LEPR: variants seen among roughly 807,000 people sequenced by gnomAD.
LEPR encodes OB receptor.
LEPR carries 56 observed loss-of-function variants against 114.7 expected under a neutral mutation model. The observed-to-expected ratio is 0.49, with a 90% CI of 0.39 to 0.61. The LOEUF (loss-of-function observed/expected upper bound fraction) is 0.61, where lower values mean the gene tolerates loss of function less well. Among genes scored for constraint, LEPR ranks in the 20% least tolerant of loss-of-function variants. LEPR has a pLI of 0.00. For missense variants in LEPR, 1,202 were observed against 1,352.9 expected, an observed-to-expected ratio of 0.89 and a Z score of 1.75; for synonymous variants, 443 against 461.4, an observed-to-expected ratio of 0.96 and a Z score of 0.51.
intron 1 of LEPR, chr1:65,421,523 T>A: frequency 6.5e-7 from 1 of 1,527,656 alleles, no homozygotes; most frequent in South Asian, 1.2e-5. Flanking sequence ...TATATTGGCT[T>A]TTATATCATC....
chr1:65,574,907 G>T (rs1654469767), intron 5 of LEPR, among the ~76,000 whole-genome samples: 1 of 152,126 alleles, frequency 6.6e-6, no homozygotes, highest in African/African-American at 2.4e-5. Flanking sequence ...CTCATTCGGG[G>T]GAGCGGAAGG....
At chr1:65,454,774 T>C (rs1408842818) in intron 2 of LEPR, among the ~76,000 whole-genome samples, 5 of 152,156 alleles carry the variant, frequency 3.3e-5, no homozygotes, top group Admixed American at 3.3e-4. Context: ...GAGTTGCTCT[T>C]CTCGAGGAGT....
At chr1:65,484,306 TAAC>T (rs1332665697) in intron 2 of LEPR, among the ~76,000 whole-genome samples, 1 of 152,178 alleles carries the variant, frequency 6.6e-6, no homozygotes, top group Non-Finnish European at 1.5e-5. Context: ...TTAATAGAAT[TAAC>T]AAAATATTTT....
intron 19 of LEPR, among the ~76,000 whole-genome samples, chr1:65,623,821 A>G (rs1463985004): frequency 1.3e-5 from 2 of 152,134 alleles, no homozygotes; most frequent in Non-Finnish European, 2.9e-5. Flanking sequence ...TCTTTCTACA[A>G]TCTGTTATCA....
chr1:65,545,903 A>C (rs1367265963), intron 2 of LEPR, among the ~76,000 whole-genome samples: 3 of 151,860 alleles, frequency 2.0e-5, no homozygotes, highest in African/African-American at 4.8e-5. Flanking sequence ...CCTGAGTGGT[A>C]ATGCCTAGGT....
chr1:65,518,886 TTTC>T (rs1649444185), intron 2 of LEPR, among the ~76,000 whole-genome samples: 3 of 82,054 alleles, frequency 3.7e-5, no homozygotes, highest in African/African-American at 1.3e-4. Flanking sequence ...TCTTTCTTTC[TTTC>T]TTTCTTTCTT....
chr1:65,464,272 A>T (rs1570499966), intron 2 of LEPR, among the ~76,000 whole-genome samples: 1 of 152,158 alleles, frequency 6.6e-6, no homozygotes, highest in East Asian at 1.9e-4. Context: ...TTCTGCATCT[A>T]TTGAGATAAT....
In LEPR at chr1:65,636,393, T is replaced by C; in HGVS notation, c.2876T>C (p.Phe959Ser). The C allele has an allele frequency of 6.2e-7, 1 of 1,614,098 alleles. No homozygotes were observed. Among genetic ancestry groups the C allele is most frequent in the Non-Finnish European group, 8.5e-7 (1 of 1,179,998 alleles). ...EKGSVCISDQ[F>S]NSVNFSEAEG... ...GGTTCTGTTTGTATTAGTGACCAGT[T>C]CAACAGTGTTAACTTCTCTGAGGCT... is the stretch of plus-strand genomic sequence containing the variant. Residue 959 changes from phenylalanine (F) to serine (S), a missense_variant, in exon 20 of 20, where the codon TTC becomes TCC. Phe to Ser is a radical substitution (Grantham distance 155). Coordinates refer to ENST00000349533, the MANE Select transcript of LEPR (RefSeq NM_002303.6).
chr1:65,626,696 G>A (rs532676931), intron 19 of LEPR, among the ~76,000 whole-genome samples: 57 of 152,128 alleles, frequency 3.7e-4, no homozygotes, highest in African/African-American at 1.3e-3. Context: ...AGGCTGGAGC[G>A]CAGCGGTGAG....
At chr1:65,450,722 T>C (rs1646773170) in intron 2 of LEPR, among the ~76,000 whole-genome samples, 1 of 146,026 alleles carries the variant, frequency 6.8e-6, no homozygotes, top group African/African-American at 2.5e-5. Context: ...TTGTGAATAA[T>C]GCCGCAATAA....
In LEPR at chr1:65,473,101, T is replaced by C. The variant is rs114854219; in HGVS notation, c.-21+47723T>C. Among the ~76,000 whole-genome samples, 579 of 152,298 alleles carry C rather than the reference T, an allele frequency of 3.8e-3. 3 individuals are homozygous for C. The highest frequency in any genetic ancestry group is 0.013 in the African/African-American group (560 of 41,544). Reference sequence around the variant, plus strand: ...GTTCTTTAGCTTCCACAAAAAGCAGTGATAATACTCTTGACGGCTTGCCCT... The same window carrying C: ...GTTCTTTAGCTTCCACAAAAAGCAGCGATAATACTCTTGACGGCTTGCCCT... On this transcript the variant is annotated intron_variant, in intron 2 of 19. Transcript: ENST00000349533.
rs765479557 is a variant in LEPR at position 65,425,386 on chromosome 1, A to G, written c.-21+8A>G. ...TGCCTTAGAGGATTATGGGTAAGTT[A>G]TCATTTCAAAAAGAACTATTCCTCT... On this transcript the variant is annotated splice_region_variant and intron_variant, in intron 2 of 19. Transcript: ENST00000349533. 7 of 1,590,438 alleles carry G rather than the reference A, an allele frequency of 4.4e-6. No individual in the cohort carries two copies. In the South Asian group the frequency reaches 6.9e-5, roughly 16 times the overall value.
At chr1:65,443,864 G>C (rs530350165) in intron 2 of LEPR, among the ~76,000 whole-genome samples, 153 of 151,880 alleles carry the variant, frequency 1.0e-3, no homozygotes, top group Non-Finnish European at 1.8e-3. Flanking sequence ...GTGAGGTAAA[G>C]AACAGACACA....
chr1:65,515,912 T>C (rs1649262499), intron 2 of LEPR, among the ~76,000 whole-genome samples: 1 of 152,232 alleles, frequency 6.6e-6, no homozygotes, highest in African/African-American at 2.4e-5. Flanking sequence ...TTAGTTGATA[T>C]CAATTATCCT....
At chr1:65,591,223 A>C (rs199991733) in intron 5 of LEPR, among the ~76,000 whole-genome samples, 152 of 152,106 alleles carry the variant, frequency 1.0e-3, no homozygotes, top group African/African-American at 3.6e-3. Flanking sequence ...AAATTTATTG[A>C]GACTTGTTTT....
In LEPR at chr1:65,605,756, C is replaced by T. The variant is rs1046360842; in HGVS notation, c.1603+519C>T. Among the ~76,000 whole-genome samples, 77 of 152,040 alleles carry T rather than the reference C, an allele frequency of 5.1e-4. 1 individual carries two copies. The highest frequency in any genetic ancestry group is 2.7e-4 in the African/African-American group (11 of 41,404). On this transcript the variant is annotated intron_variant, in intron 11 of 19. Transcript: ENST00000349533. Reference sequence around the variant, plus strand: ...TATTTTAAACATTCTTTTCAAAAAACTTTTGATTTCAAAGATATTAAGAGA... The same window carrying T: ...TATTTTAAACATTCTTTTCAAAAAATTTTTGATTTCAAAGATATTAAGAGA...
chr1:65,576,896 G>T, intron 5 of LEPR: 1 of 345,486 alleles, frequency 2.9e-6, no homozygotes, highest in South Asian at 3.1e-5. Flanking sequence ...CTCCTCTCCA[G>T]ATATCCATGC....
intron 2 of LEPR, among the ~76,000 whole-genome samples, chr1:65,482,063 A>G (rs2100455269): frequency 6.6e-6 from 1 of 152,080 alleles, no homozygotes; most frequent in Non-Finnish European, 1.5e-5. Context: ...AACAGCAACA[A>G]AGCTCTAAAA....
At chr1:65,592,344 A>C (rs1225674650) in intron 5 of LEPR, among the ~76,000 whole-genome samples, 1 of 106,398 alleles carries the variant, frequency 9.4e-6, no homozygotes, top group African/African-American at 2.8e-5. Context: ...GGTATGTCTG[A>C]AAAAAAAAGC....
Sources: allele counts gnomAD v4.1 joint callset (sites outside exome capture counted in the v4.1 genomes callset), GRCh38; gene constraint gnomAD v4.1.1; transcripts MANE v1.5; gene names NCBI Gene and HGNC (gene_info 2026-07-23, HGNC 2026-07-21).